Variants in PPP1R9A observed in about 807,000 individuals in gnomAD.
PPP1R9A encodes the protein protein phosphatase 1 regulatory subunit 9A.
Under a neutral mutation model 141.9 loss-of-function variants are expected in PPP1R9A, and 59 were observed. The ratio of observed to expected loss-of-function variants is 0.42; its 90% CI spans 0.34 to 0.52. PPP1R9A has a LOEUF of 0.52. Ranked by LOEUF, PPP1R9A falls within the 20% of genes least tolerant of loss-of-function variation. The pLI is 0.10. For synonymous variants in PPP1R9A, 500 were observed against 569.7 expected (o/e 0.88, Z 1.74); for missense variants, 1,444 against 1,611.9 (o/e 0.90, Z 1.78).
At chr7:95,241,848 C>G (rs1797514074) in intron 8 of PPP1R9A, among the ~76,000 whole-genome samples, 1 of 152,042 alleles carries the variant, frequency 6.6e-6, no homozygotes, top group South Asian at 2.1e-4. Flanking sequence ...TTGCTGCCTA[C>G]TTAATAGCAA....
chr7:95,122,545 T>A (rs1426809875), intron 4 of PPP1R9A, among the ~76,000 whole-genome samples: 1 of 152,242 alleles, frequency 6.6e-6, no homozygotes, highest in African/African-American at 2.4e-5. Flanking sequence ...CCACACCTTA[T>A]ATCTTCTTTT....
chr7:95,257,616 T>C (rs1317513069), intron 12 of PPP1R9A, among the ~76,000 whole-genome samples: 1 of 152,054 alleles, frequency 6.6e-6, no homozygotes, highest in Non-Finnish European at 1.5e-5. Flanking sequence ...GCTGCACCCA[T>C]TAACTCGTCA....
In PPP1R9A at chr7:95,122,236, T is replaced by C. The variant is rs532863397; in HGVS notation, c.1649+1404T>C. ...ATCTCTGCTCACTGCAGCCTCTGCT[T>C]CCCAGGTTCAAGTGATTCTCCTGCC... On this transcript the variant is annotated intron_variant, in intron 4 of 19. Coordinates refer to ENST00000433360, the MANE Select transcript of PPP1R9A (RefSeq NM_001166160.2). Among the ~76,000 whole-genome samples the C allele has an allele frequency of 2.8e-3, 418 of 151,844 alleles. 1 individual carries two copies. The highest frequency in any genetic ancestry group is 4.6e-3 in the Non-Finnish European group (316 of 67,962).
intron 2 of PPP1R9A, among the ~76,000 whole-genome samples, chr7:94,989,676 C>T (rs1801264279): frequency 6.6e-6 from 1 of 152,058 alleles, no homozygotes; most frequent in African/African-American, 2.4e-5. Flanking sequence ...GATTCTGATG[C>T]AGTCTGAAGT....
At chr7:95,252,154 A>C (rs774294571) in intron 12 of PPP1R9A, 24 bp downstream of exon 12, 7 of 1,535,138 alleles carry the variant, frequency 4.6e-6, no homozygotes, top group Admixed American at 4.6e-5. Flanking sequence ...AACCACAAAA[A>C]TCATTTTTGA....
At chr7:95,231,593 AC>A (rs1435437253) in intron 8 of PPP1R9A, among the ~76,000 whole-genome samples, 2 of 152,112 alleles carry the variant, frequency 1.3e-5, no homozygotes, top group Non-Finnish European at 2.9e-5. Context: ...TCTGAAAGGC[AC>A]CCTCAAAACA....
intron 2 of PPP1R9A, among the ~76,000 whole-genome samples, chr7:95,079,510 A>G (rs1212909866): frequency 1.3e-5 from 2 of 152,014 alleles, no homozygotes; most frequent in African/African-American, 2.4e-5. Flanking sequence ...TACCAGAGGT[A>G]CAAGGAGGAA....
chr7:95,187,675 G>A (rs1188254849), intron 5 of PPP1R9A, among the ~76,000 whole-genome samples: 1 of 152,094 alleles, frequency 6.6e-6, no homozygotes, highest in Non-Finnish European at 1.5e-5. Flanking sequence ...TGCTTTTGCT[G>A]TGTCCTAGAA....
chr7:95,061,030 G>A (rs1024608342), intron 2 of PPP1R9A, among the ~76,000 whole-genome samples: 14 of 152,166 alleles, frequency 9.2e-5, no homozygotes, highest in African/African-American at 2.9e-4. Flanking sequence ...TGGACTGTTG[G>A]TGGAGTACAT....
chr7:95,191,136 G>C (rs573439290), intron 5 of PPP1R9A, among the ~76,000 whole-genome samples: 1 of 152,092 alleles, frequency 6.6e-6, no homozygotes, highest in African/African-American at 2.4e-5. Context: ...GTATTTGACA[G>C]CTTACCAAAT....
At chr7:95,050,699 C>G (rs1810672165) in intron 2 of PPP1R9A, among the ~76,000 whole-genome samples, 1 of 152,132 alleles carries the variant, frequency 6.6e-6, no homozygotes, top group East Asian at 1.9e-4. Context: ...GCACTCCACC[C>G]TGGGCAACAA....
chr7:95,250,717 C>T (rs1798759793), intron 10 of PPP1R9A, among the ~76,000 whole-genome samples: 2 of 152,134 alleles, frequency 1.3e-5, no homozygotes, highest in African/African-American at 2.4e-5. Flanking sequence ...GTGCACATAT[C>T]GACTAGCAAG....
intron 7 of PPP1R9A, among the ~76,000 whole-genome samples, chr7:95,216,495 C>G (rs1793456444): frequency 6.6e-6 from 1 of 152,130 alleles, no homozygotes; most frequent in Non-Finnish European, 1.5e-5. Flanking sequence ...TTTTCCAGTT[C>G]TGTGAAGAAA....
At chr7:95,260,559 A>C (rs568006614) in intron 12 of PPP1R9A, among the ~76,000 whole-genome samples, 1 of 152,058 alleles carries the variant, frequency 6.6e-6, no homozygotes, top group South Asian at 2.1e-4. Flanking sequence ...GGCACCTGTA[A>C]TCCCAGCTAC....
intron 2 of PPP1R9A, among the ~76,000 whole-genome samples, chr7:94,975,346 G>GTTTTTTT (rs67413314): frequency 7.8e-6 from 1 of 128,552 alleles, no homozygotes; most frequent in Non-Finnish European, 1.6e-5. Context: ...ACAGGCTGTA[G>GTTTTTTT]TTTTTTTTTG....
intron 12 of PPP1R9A, among the ~76,000 whole-genome samples, chr7:95,258,687 A>G (rs1799975802): frequency 6.6e-6 from 1 of 152,208 alleles, no homozygotes; most frequent in Admixed American, 6.5e-5. Flanking sequence ...CCAACATAGT[A>G]GAAAAATGGG....
chr7:95,125,828 TG>T (rs1467827668), intron 4 of PPP1R9A, among the ~76,000 whole-genome samples: 4 of 152,172 alleles, frequency 2.6e-5, no homozygotes, highest in African/African-American at 4.8e-5. Context: ...TGATTTTAAT[TG>T]TTTTTTTTCA....
At chr7:95,079,042 A>G (rs1815339196) in intron 2 of PPP1R9A, among the ~76,000 whole-genome samples, 4 of 152,292 alleles carry the variant, frequency 2.6e-5, no homozygotes, top group South Asian at 2.1e-4. Flanking sequence ...TGTTTTGGAC[A>G]TGAAGTCCTT....
intron 2 of PPP1R9A, among the ~76,000 whole-genome samples, chr7:95,070,783 T>G (rs1411289456): frequency 6.6e-6 from 1 of 151,660 alleles, no homozygotes; most frequent in African/African-American, 2.4e-5. Flanking sequence ...AGAGTCATTA[T>G]CTAATTCTAC....
Sources: allele counts gnomAD v4.1 joint callset (sites outside exome capture counted in the v4.1 genomes callset), GRCh38; gene constraint gnomAD v4.1.1; transcripts MANE v1.5; gene names NCBI Gene and HGNC (gene_info 2026-07-23, HGNC 2026-07-21).